Variants in GRIK4 observed in about 807,000 individuals in gnomAD.
GRIK4 encodes the protein glutamate ionotropic receptor kainate type subunit 4.
GRIK4 carries 40 observed loss-of-function variants against 104.9 expected under a neutral mutation model. That is an observed-to-expected ratio of 0.38 (90% confidence interval 0.30 to 0.50). GRIK4 has a LOEUF of 0.50. Ranked by LOEUF, GRIK4 falls within the 20% of genes least tolerant of loss-of-function variation. The pLI is 0.93. For missense variants in GRIK4, 1,047 were observed against 1,308.1 expected (o/e 0.80, Z 3.08); for synonymous variants, 485 against 524.9 (o/e 0.92, Z 1.04).
intron 3 of GRIK4, among the ~76,000 whole-genome samples, chr11:120,713,315 C>T (rs1463058378): frequency 8.5e-5 from 13 of 152,120 alleles, no homozygotes; most frequent in Admixed American, 6.5e-4. Context: ...AAGCACACCC[C>T]CTCCCAGTTT....
chr11:120,540,938 C>G (rs1430073769), intron 1 of GRIK4, among the ~76,000 whole-genome samples: 1 of 152,190 alleles, frequency 6.6e-6, no homozygotes, highest in Non-Finnish European at 1.5e-5. Flanking sequence ...TCATTGCATT[C>G]CAGCCTGGGT....
intron 1 of GRIK4, among the ~76,000 whole-genome samples, chr11:120,551,168 G>A (rs1008011517): frequency 1.3e-5 from 2 of 152,120 alleles, no homozygotes; most frequent in African/African-American, 4.8e-5. Flanking sequence ...GAGGGAAGCC[G>A]GTAGATTTGG....
chr11:120,725,539 A>C (rs529185916), intron 3 of GRIK4, among the ~76,000 whole-genome samples: 1 of 152,310 alleles, frequency 6.6e-6, no homozygotes, highest in South Asian at 2.1e-4. Flanking sequence ...AACAGTGTGT[A>C]AGAAAACAGG....
At chr11:120,619,900 A>G in intron 1 of GRIK4, 1 of 266,578 alleles carries the variant, frequency 3.8e-6, no homozygotes. Context: ...AATACTGAAA[A>G]GAGTTAACAG....
chr11:120,688,699 C>T (rs986271395), intron 3 of GRIK4, among the ~76,000 whole-genome samples: 1 of 152,028 alleles, frequency 6.6e-6, no homozygotes, highest in Non-Finnish European at 1.5e-5. Context: ...GCATGAGAGC[C>T]GAAAATAATT....
intron 13 of GRIK4, among the ~76,000 whole-genome samples, chr11:120,912,873 A>G (rs1943030723): frequency 1.3e-5 from 2 of 152,164 alleles, no homozygotes; most frequent in African/African-American, 2.4e-5. Context: ...GGCGGGATGG[A>G]GGCTGGAGAT....
chr11:120,783,301 T>C (rs1952198897), intron 3 of GRIK4, among the ~76,000 whole-genome samples: 1 of 152,222 alleles, frequency 6.6e-6, no homozygotes, highest in African/African-American at 2.4e-5. Flanking sequence ...TGCATCAAAC[T>C]CTGCTTCTGT....
intron 6 of GRIK4, among the ~76,000 whole-genome samples, chr11:120,825,156 C>T (rs527324106): frequency 1.3e-5 from 2 of 152,186 alleles, no homozygotes; most frequent in Non-Finnish European, 2.9e-5. Context: ...AAACTGCTCA[C>T]CTTAGGTCAT....
intron 1 of GRIK4, among the ~76,000 whole-genome samples, chr11:120,610,170 G>A (rs548146496): frequency 1.3e-5 from 2 of 152,184 alleles, no homozygotes; most frequent in East Asian, 3.8e-4. Context: ...GGCCTGGACT[G>A]CCTATTATGA....
rs1177682575 is a variant in GRIK4 at position 120,668,273 on chromosome 11, AAAAAAGAG to A, written c.82+7875_82+7882del. Among the ~76,000 whole-genome samples, 14 of 151,998 alleles carry A rather than the reference AAAAAAGAG, an allele frequency of 9.2e-5. No individual in the cohort carries two copies. In the East Asian group the frequency reaches 9.7e-4, roughly 11 times the overall value. On this transcript the variant is annotated intron_variant, in intron 3 of 20. Transcript: ENST00000527524. ...CAGATGAAAGAAATAAGAAAGAAAG[AAAAAAGAG>A]AGAAAGAGAGAAAGAAAAAAGAAAA...
intron 3 of GRIK4, among the ~76,000 whole-genome samples, chr11:120,723,645 C>T (rs979849555): frequency 6.6e-6 from 1 of 152,174 alleles, no homozygotes; most frequent in African/African-American, 2.4e-5. Flanking sequence ...CACATGAAGT[C>T]CCATGTAAAG....
intron 1 of GRIK4, among the ~76,000 whole-genome samples, chr11:120,614,998 CAAAACAAAACAAAACAA>C (rs1358153746): frequency 1.3e-5 from 2 of 151,756 alleles, no homozygotes; most frequent in South Asian, 4.2e-4. Flanking sequence ...GACTCAATCT[CAAAACAAAACAAAACAA>C]AAAACAAAAC....
At position 120,831,877 on chromosome 11, in the gene GRIK4, C is replaced by T; in HGVS notation, c.537C>T (p.Leu179=). The T allele has an allele frequency of 6.2e-7, 1 of 1,613,794 alleles. No homozygotes were observed. Among genetic ancestry groups the T allele is most frequent in the Non-Finnish European group, 8.5e-7 (1 of 1,179,824 alleles). Residue 179 remains leucine, a synonymous_variant, in exon 7 of 21, where the codon CTC becomes CTT. Transcript: ENST00000527524. The stretch of plus-strand genomic sequence containing the variant: ...GCCTTTTAAACCTAGAGAAGCTGCT[C>T]CGGCAATTCCTTATCTCCAAGGACA... The part of the protein sequence containing the change: ...AECLLNLEKL[L]RQFLISKDTL...
chr11:120,646,571 A>G (rs187531981), intron 1 of GRIK4, among the ~76,000 whole-genome samples: 16 of 152,326 alleles, frequency 1.1e-4, no homozygotes, highest in East Asian at 3.9e-4. Flanking sequence ...AAAGATGAAT[A>G]GGATTAAAAC....
At chr11:120,609,055 T>C (rs1948999047) in intron 1 of GRIK4, among the ~76,000 whole-genome samples, 1 of 152,218 alleles carries the variant, frequency 6.6e-6, no homozygotes, top group Admixed American at 6.5e-5. Context: ...TGTGGGGTAA[T>C]GACATTTTAA....
chr11:120,953,032 G>T lies in GRIK4; in HGVS notation c.1700+68G>T. The T allele has an allele frequency of 1.0e-6, 1 of 974,618 alleles. No individual in the cohort carries two copies. 60.4% of individuals were successfully genotyped at this position (974,618 alleles called of 1,614,324 possible). Reference sequence around the variant, plus strand: ...TGTCCACCTCTGGGAACTGCATGGGGAGGGGGTGGGGAGGAGGAGAGGGGG... The same window carrying T: ...TGTCCACCTCTGGGAACTGCATGGGTAGGGGGTGGGGAGGAGGAGAGGGGG... On this transcript the variant is annotated intron_variant, in intron 15 of 20. Transcript: ENST00000527524. The surrounding 1 kb of genome is among the most constrained non-coding windows in gnomAD (Gnocchi z 4.9).
chr11:120,616,759 C>A (rs1336286100), intron 1 of GRIK4, among the ~76,000 whole-genome samples: 1 of 152,196 alleles, frequency 6.6e-6, no homozygotes, highest in Non-Finnish European at 1.5e-5. Flanking sequence ...GTGGGCTGCT[C>A]AGATTTTACA....
intron 2 of GRIK4, among the ~76,000 whole-genome samples, chr11:120,658,792 A>C: frequency 8.8e-6 from 1 of 113,750 alleles, no homozygotes; most frequent in African/African-American, 3.3e-5. Flanking sequence ...TCTGTCCCCC[A>C]GGCTGCAGTG....
At chr11:120,548,857 A>G (rs1199677226) in intron 1 of GRIK4, among the ~76,000 whole-genome samples, 1 of 152,186 alleles carries the variant, frequency 6.6e-6, no homozygotes, top group Non-Finnish European at 1.5e-5. Flanking sequence ...TCTGCAGGGT[A>G]GAGAGGGCTG....
Sources: allele counts gnomAD v4.1 joint callset (sites outside exome capture counted in the v4.1 genomes callset), GRCh38; gene constraint gnomAD v4.1.1; non-coding constraint Gnocchi (gnomAD v3.1); transcripts MANE v1.5; gene names NCBI Gene and HGNC (gene_info 2026-07-23, HGNC 2026-07-21).